FOLR2: variants seen among roughly 807,000 people sequenced by gnomAD.
FOLR2 encodes folate receptor 2 (fetal).
FOLR2 carries 14 observed loss-of-function variants against 20.4 expected under a neutral mutation model. The observed-to-expected ratio is 0.68, with a 90% CI of 0.45 to 1.07. FOLR2 has a LOEUF of 1.07. Among genes scored for constraint, FOLR2 ranks in the 50% least tolerant of loss-of-function variants. The pLI is 0.00. For missense variants in FOLR2, 269 were observed against 322.6 expected (o/e 0.83, Z 1.27); for synonymous variants, 114 against 114.3 (o/e 1.00, Z 0.02).
intron 2 of FOLR2, among the ~76,000 whole-genome samples, chr11:72,219,232 A>G (rs1392178839): frequency 6.6e-6 from 1 of 152,010 alleles, no homozygotes; most frequent in East Asian, 1.9e-4. Flanking sequence ...GCCAAGGGAG[A>G]AGAGGAGGAG....
At chr11:72,218,512 C>T (rs1948429879) in intron 1 of FOLR2, 49 bp from the exon 2 acceptor site, 1 of 1,538,370 alleles carries the variant, frequency 6.5e-7, no homozygotes, top group Non-Finnish European at 8.8e-7. Flanking sequence ...GGTGAATGGG[C>T]TCCCAGCTTG....
chr11:72,221,067 T>TCGGGGGGGGCGCCCGCCCCCCCCC lies in FOLR2; in HGVS notation c.339+10_339+11insGGGGGGGGCGCCCGCCCCCCCCCC. 1 of 1,570,118 alleles carries TCGGGGGGGGCGCCCGCCCCCCCCC rather than the reference T, an allele frequency of 6.4e-7. No individual in the cohort carries two copies. The highest frequency in any genetic ancestry group is 8.7e-7 in the Non-Finnish European group (1 of 1,154,914). ...GGCCCTGGATCCAGCAGGTAGGGTG[T>TCGGGGGGGGCGCCCGCCCCCCCCC]CTCCCCCCCACCCACCCCAGCAGAC... On this transcript the variant is annotated intron_variant, in intron 3 of 4. Coordinates refer to ENST00000298223, the MANE Select transcript of FOLR2 (RefSeq NM_000803.5).
chr11:72,221,154 T>G (rs758893105), intron 3 of FOLR2, 22 bp from the exon 4 acceptor site: 17 of 1,584,922 alleles, frequency 1.1e-5, no homozygotes, highest in Non-Finnish European at 1.4e-5. Context: ...AGAGGAGCCC[T>G]GCCTCCCCAC....
intron 2 of FOLR2, among the ~76,000 whole-genome samples, chr11:72,219,943 G>T (rs983956293): frequency 2.0e-5 from 3 of 152,066 alleles, no homozygotes; most frequent in South Asian, 2.1e-4. Flanking sequence ...CGCCTCCGGG[G>T]TTCTGGTGAT....
At chr11:72,218,326 T>G (rs1016494013) in intron 1 of FOLR2, among the ~76,000 whole-genome samples, 1 of 152,106 alleles carries the variant, frequency 6.6e-6, no homozygotes. Context: ...TTGGGAAGAC[T>G]CCCCCAGGGC....
Position 72,221,250 on chromosome 11 carries a change from G to A in FOLR2, c.414G>A (p.Glu138=), listed in dbSNP as rs768031158. The change falls in exon 4 of 5, where the codon GAG becomes GAA. Residue 138 remains glutamate, a synonymous_variant. Transcript: ENST00000298223. ...AAGAGGACTGTCAGCGCTGGTGGGAGGATTGTCACACCTCCCACACGTGCA... is the reference window on the plus strand; with the variant it reads ...AAGAGGACTGTCAGCGCTGGTGGGAAGATTGTCACACCTCCCACACGTGCA... ...LCKEDCQRWW[E]DCHTSHTCKS... is the part of the protein sequence containing the mutation. 59 of 1,613,834 alleles carry A rather than the reference G, an allele frequency of 3.7e-5. No homozygotes were observed. Among genetic ancestry groups the A allele is most frequent in the Non-Finnish European group, 4.8e-5 (57 of 1,179,906 alleles).
In FOLR2 at chr11:72,221,467, C is replaced by T; in HGVS notation, c.476-3C>T. 4 of 1,613,188 alleles carry T rather than the reference C, an allele frequency of 2.5e-6. No individual in the cohort carries two copies. The highest frequency in any genetic ancestry group is 3.4e-6 in the Non-Finnish European group (4 of 1,179,366). Reference sequence around the variant, plus strand: ...TCTGTGTCCACCATGCCTCTCCCTGCAGGAGTTAACAAGTGCCCAGCTGGG... The same window carrying T: ...TCTGTGTCCACCATGCCTCTCCCTGTAGGAGTTAACAAGTGCCCAGCTGGG... On this transcript the variant is annotated splice_region_variant and splice_polypyrimidine_tract_variant and intron_variant, in intron 4 of 4. Coordinates refer to ENST00000298223, the MANE Select transcript of FOLR2 (RefSeq NM_000803.5).
chr11:72,221,411 A>G, intron 4 of FOLR2, 59 bp from the exon 5 acceptor site: 2 of 1,596,518 alleles, frequency 1.3e-6, no homozygotes, highest in South Asian at 1.1e-5. Flanking sequence ...GGGGGTGGCC[A>G]GAAATGAGCT....
At chr11:72,218,195 G>T (rs1400786473) in intron 1 of FOLR2, among the ~76,000 whole-genome samples, 2 of 152,204 alleles carry the variant, frequency 1.3e-5, no homozygotes, top group Admixed American at 6.5e-5. Context: ...TGGACAGAGG[G>T]TGAAGACATT....
intron 1 of FOLR2, 52 bp downstream of exon 1, chr11:72,216,977 G>A (rs755632252): frequency 1.0e-5 from 16 of 1,576,374 alleles, no homozygotes; most frequent in Non-Finnish European, 1.3e-5. Flanking sequence ...GAGACTTGGA[G>A]AGTTTGTGCA....
chr11:72,219,737 A>G (rs1325451425), intron 2 of FOLR2, among the ~76,000 whole-genome samples: 2 of 152,142 alleles, frequency 1.3e-5, no homozygotes, highest in Non-Finnish European at 2.9e-5. Context: ...ACAGCCTTCT[A>G]TTTCATGGTA....
At chr11:72,217,855 G>A (rs1273342671) in intron 1 of FOLR2, among the ~76,000 whole-genome samples, 2 of 152,000 alleles carry the variant, frequency 1.3e-5, no homozygotes, top group Non-Finnish European at 2.9e-5. Flanking sequence ...CCCACCCCCA[G>A]TCTATATCAT....
chr11:72,217,831 C>G (rs891017780), intron 1 of FOLR2, among the ~76,000 whole-genome samples: 1 of 152,102 alleles, frequency 6.6e-6, no homozygotes, highest in Non-Finnish European at 1.5e-5. Context: ...TTCCTCACCC[C>G]CTCCTCACCT....
Position 72,218,634 on chromosome 11 carries a change from C to T in FOLR2, c.50C>T (p.Thr17Ile). The change falls in exon 2 of 5, where the codon ACC (threonine) becomes ATC (isoleucine). Residue 17 changes from threonine to isoleucine, a missense_variant. By Grantham distance (89) the Thr-to-Ile change is moderately conservative. Coordinates refer to ENST00000298223, the MANE Select transcript of FOLR2 (RefSeq NM_000803.5). ...PLLLLLVCVA[T>I]MCSAQDRTDL... ...CTGCTGCTTCTGGTCTGTGTAGCCA[C>T]CATGTGCAGTGCCCAGGACAGGACT... 9.9e-6 allele frequency: 16 copies of T among 1,613,510 alleles called. No individual in the cohort carries two copies. Among genetic ancestry groups the T allele is most frequent in the Non-Finnish European group, 1.4e-5 (16 of 1,179,650 alleles).
chr11:72,218,506 A>G (rs1948429705), intron 1 of FOLR2, 55 bp from the exon 2 acceptor site: 1 of 1,515,504 alleles, frequency 6.6e-7, no homozygotes, highest in Admixed American at 1.9e-5. Flanking sequence ...GCAGGAGGTG[A>G]ATGGGCTCCC....
intron 1 of FOLR2, 79 bp from the exon 2 acceptor site, chr11:72,218,482 T>A (rs651646): frequency 0.46 from 599,723 of 1,294,736 alleles, 142,819 homozygotes; most frequent in African/African-American, 0.7. Flanking sequence ...CACCGTAGGG[T>A]TGGGGAGACT....
In FOLR2 at chr11:72,218,719, CAAG is replaced by C. The variant is rs1565373398; in HGVS notation, c.136_138del (p.Lys46del). Reference sequence around the variant, plus strand: ...ACAAGACAAAGCCAGGTCCTGAGGACAAGCTGCATGACCAAGTACGGCTGGAGT... The same window carrying C: ...ACAAGACAAAGCCAGGTCCTGAGGACCTGCATGACCAAGTACGGCTGGAGT... On this transcript the variant is annotated inframe_deletion, in exon 2 of 5. Coordinates refer to ENST00000298223, the MANE Select transcript of FOLR2 (RefSeq NM_000803.5). The C allele has an allele frequency of 1.9e-6, 3 of 1,611,558 alleles. No individual in the cohort carries two copies. The highest frequency in any genetic ancestry group is 2.5e-6 in the Non-Finnish European group (3 of 1,178,814).
intron 2 of FOLR2, among the ~76,000 whole-genome samples, chr11:72,220,399 T>C (rs1948463931): frequency 6.6e-6 from 1 of 152,230 alleles, no homozygotes; most frequent in Non-Finnish European, 1.5e-5. Flanking sequence ...CCATATCATT[T>C]ATCATATCCT....
chr11:72,217,417 A>G (rs1286553632), intron 1 of FOLR2: 99 of 1,286,204 alleles, frequency 7.7e-5, no homozygotes, highest in Non-Finnish European at 9.8e-5. Flanking sequence ...CTAAACATAG[A>G]GCCATGGTCA....
Sources: allele counts gnomAD v4.1 joint callset (sites outside exome capture counted in the v4.1 genomes callset), GRCh38; gene constraint gnomAD v4.1.1; transcripts MANE v1.5; gene names NCBI Gene and HGNC (gene_info 2026-07-23, HGNC 2026-07-21).